The following DOCK3 variants were observed in gnomAD, a reference collection of about 807,000 sequenced individuals.
DOCK3 encodes dedicator of cytokinesis protein 3.
Under a neutral mutation model 265.6 loss-of-function variants are expected in DOCK3, and 60 were observed. The observed-to-expected ratio is 0.23, with a 90% CI of 0.18 to 0.28. The LOEUF is 0.28. Among genes scored for constraint, DOCK3 ranks in the 10% least tolerant of loss-of-function variants. The pLI, the probability that DOCK3 is intolerant of heterozygous loss-of-function variation, is 1.00. For missense variants in DOCK3, 1,981 were observed against 2,594.3 expected, an observed-to-expected ratio of 0.76 and a Z score of 5.14; for synonymous variants, 881 against 938.0, an observed-to-expected ratio of 0.94 and a Z score of 1.11.
At position 51,338,406 on chromosome 3, in the gene DOCK3, C is replaced by T; in HGVS notation, c.3659C>T (p.Thr1220Ile). 6.4e-7 allele frequency: 1 copy of T among 1,551,898 alleles called. No individual in the cohort carries two copies. The highest frequency in any genetic ancestry group is 8.7e-7 in the Non-Finnish European group (1 of 1,147,094). Residue 1220 changes from threonine (T) to isoleucine (I), a missense_variant, in exon 36 of 53, where the codon ACT becomes ATT. Transcript: ENST00000266037. The part of the protein sequence containing the change: ...EETENKKIGC[T>I]VNLMNFYKSE... ...ACAGAGAATAAGAAGATAGGCTGCA[C>T]TGTTAACCTGATGGTGAGAGGACAT...
At chr3:50,855,597 G>A (rs1213060384) in intron 3 of DOCK3, among the ~76,000 whole-genome samples, 4 of 152,140 alleles carry the variant, frequency 2.6e-5, no homozygotes, top group Non-Finnish European at 5.9e-5. Context: ...ATAGGGTCAC[G>A]TAGTAAGTGA....
intron 5 of DOCK3, among the ~76,000 whole-genome samples, chr3:50,942,165 A>G (rs1318015556): frequency 6.6e-6 from 1 of 152,048 alleles, no homozygotes; most frequent in Non-Finnish European, 1.5e-5. Context: ...TATCAGAGTC[A>G]TACACACCAG....
At chr3:51,138,767 A>G (rs1364419817) in intron 9 of DOCK3, among the ~76,000 whole-genome samples, 4 of 152,180 alleles carry the variant, frequency 2.6e-5, no homozygotes, top group Non-Finnish European at 4.4e-5. Context: ...GAAGAATAGT[A>G]CAGAAGTTAT....
At chr3:51,072,076 G>T (rs566373687) in intron 6 of DOCK3, among the ~76,000 whole-genome samples, 1 of 152,268 alleles carries the variant, frequency 6.6e-6, no homozygotes, top group Admixed American at 6.5e-5. Flanking sequence ...CTAGGAGAGG[G>T]AAAACACTCT....
At chr3:50,701,896 G>T (rs921968924) in intron 1 of DOCK3, among the ~76,000 whole-genome samples, 3 of 152,060 alleles carry the variant, frequency 2.0e-5, no homozygotes, top group African/African-American at 7.2e-5. Flanking sequence ...TTTATTTCTG[G>T]TTTTCTCTGT....
chr3:50,903,681 G>T (rs1213508472), intron 4 of DOCK3, among the ~76,000 whole-genome samples: 1 of 152,070 alleles, frequency 6.6e-6, no homozygotes, highest in African/African-American at 2.4e-5. Flanking sequence ...TGGCCTCATA[G>T]AATGAATTAG....
At chr3:51,194,145 A>T (rs923455680) in intron 12 of DOCK3, among the ~76,000 whole-genome samples, 2 of 151,916 alleles carry the variant, frequency 1.3e-5, no homozygotes, top group African/African-American at 4.8e-5. Context: ...TTTCCATCTT[A>T]ATGTCCTTGG....
At chr3:51,304,488 G>A (rs1367960396) in intron 27 of DOCK3, among the ~76,000 whole-genome samples, 1 of 152,176 alleles carries the variant, frequency 6.6e-6, no homozygotes, top group Non-Finnish European at 1.5e-5. Context: ...GGCAGCTGCA[G>A]TGATGGCTGC....
chr3:51,250,263 G>A (rs1361938468), intron 22 of DOCK3, among the ~76,000 whole-genome samples: 44 of 64,332 alleles, frequency 6.8e-4, no homozygotes, highest in South Asian at 1.8e-3. Flanking sequence ...ACCCAAGAAT[G>A]ATCAATAAAA....
chr3:50,684,377 A>C (rs539919939), intron 1 of DOCK3, among the ~76,000 whole-genome samples: 1 of 152,172 alleles, frequency 6.6e-6, no homozygotes, highest in Non-Finnish European at 1.5e-5. Context: ...GAAGAATTTT[A>C]TTTTGTTTTA....
At position 51,333,254 on chromosome 3, in the gene DOCK3, G is replaced by A; in HGVS notation, c.3611+1G>A. 1 of 1,612,304 alleles carries A rather than the reference G, an allele frequency of 6.2e-7. No homozygotes were observed. ...TCATGGAACGTCTTCTTGACTACAG[G>A]TATCTTCTCAGCCACCCGCTCCCCT... On this transcript the variant is annotated splice_donor_variant, in intron 35 of 52. Coordinates refer to ENST00000266037, the MANE Select transcript of DOCK3 (RefSeq NM_004947.5). LOFTEE classifies it high-confidence loss of function.
intron 1 of DOCK3, among the ~76,000 whole-genome samples, chr3:50,725,044 T>G (rs1393210969): frequency 6.6e-6 from 1 of 151,276 alleles, no homozygotes; most frequent in Non-Finnish European, 1.5e-5. Flanking sequence ...TGATGAAAGA[T>G]ACCACCTCAC....
chr3:51,375,357 TGGGCCTGTGCA>T lies in DOCK3; in HGVS notation c.5413-384_5413-374del, dbSNP rs1243261873. Reference sequence around the variant, plus strand: ...CTTTCCTCTGCCTTCAGTGCTAGCATGGGCCTGTGCAGGGCCTCTCCAGGAGGCTAAACCTG... The same window carrying T: ...CTTTCCTCTGCCTTCAGTGCTAGCATGGGCCTCTCCAGGAGGCTAAACCTG... On this transcript the variant is annotated intron_variant, in intron 50 of 52. Coordinates refer to ENST00000266037, the MANE Select transcript of DOCK3 (RefSeq NM_004947.5). 2.6e-5 allele frequency among the ~76,000 whole-genome samples: 4 copies of T among 152,236 alleles called. No homozygotes were observed. In the East Asian group the frequency reaches 5.8e-4, roughly 22 times the overall value.
intron 9 of DOCK3, among the ~76,000 whole-genome samples, chr3:51,112,537 C>T (rs1390172810): frequency 6.6e-6 from 1 of 151,972 alleles, no homozygotes; most frequent in Non-Finnish European, 1.5e-5. Context: ...GTGCCTATTG[C>T]CATATGTAAA....
intron 5 of DOCK3, among the ~76,000 whole-genome samples, chr3:51,041,334 C>T (rs2080524213): frequency 6.8e-6 from 1 of 148,096 alleles, no homozygotes; most frequent in South Asian, 2.2e-4. Flanking sequence ...TCTCCTGCCT[C>T]AGCCTCCCAA....
intron 2 of DOCK3, among the ~76,000 whole-genome samples, chr3:50,797,557 G>T (rs949553748): frequency 2.0e-5 from 3 of 152,178 alleles, no homozygotes; most frequent in Admixed American, 6.5e-5. Flanking sequence ...CTCTGCTTCT[G>T]TGTTCTGGAA....
intron 1 of DOCK3, chr3:50,685,893 G>T (rs755078632): frequency 5.2e-5 from 8 of 153,032 alleles, no homozygotes; most frequent in African/African-American, 1.7e-4. Flanking sequence ...GAGTTGTTTG[G>T]TTTTTTGTTG....
chr3:50,767,858 G>T (rs1055382701), intron 1 of DOCK3, among the ~76,000 whole-genome samples: 2 of 152,006 alleles, frequency 1.3e-5, no homozygotes, highest in African/African-American at 2.4e-5. Flanking sequence ...TGTATTCCTA[G>T]GTATTTTATT....
chr3:51,310,777 G>A (rs1195961067), intron 28 of DOCK3, among the ~76,000 whole-genome samples: 2 of 152,196 alleles, frequency 1.3e-5, no homozygotes, highest in Non-Finnish European at 2.9e-5. Flanking sequence ...TAACCTGACT[G>A]CCTCATTTAT....
Sources: allele counts gnomAD v4.1 joint callset (sites outside exome capture counted in the v4.1 genomes callset), GRCh38; gene constraint gnomAD v4.1.1; transcripts MANE v1.5; gene names NCBI Gene and HGNC (gene_info 2026-07-23, HGNC 2026-07-21).